Variants in APBB2 observed in about 807,000 individuals in gnomAD.
The protein encoded by APBB2 is Fe65-like 1.
A neutral mutation model predicts 82.5 loss-of-function variants in APBB2; 38 were observed. The observed-to-expected ratio is 0.46, with a 90% CI of 0.36 to 0.60. APBB2 has a LOEUF of 0.60. APBB2 is among the 20% of genes least tolerant of loss of function. APBB2 has a pLI of 0.00. For missense variants in APBB2, 772 were observed against 972.3 expected, an observed-to-expected ratio of 0.79 and a Z score of 2.74; for synonymous variants, 341 against 368.2, an observed-to-expected ratio of 0.93 and a Z score of 0.85.
chr4:40,942,742 T>A (rs1012042592), intron 7 of APBB2, among the ~76,000 whole-genome samples: 1 of 151,934 alleles, frequency 6.6e-6, no homozygotes, highest in Non-Finnish European at 1.5e-5. Context: ...AGGGGTACGA[T>A]GCAGGCACAG....
At chr4:41,095,953 C>T (rs1464069207) in intron 3 of APBB2, among the ~76,000 whole-genome samples, 1 of 152,158 alleles carries the variant, frequency 6.6e-6, no homozygotes, top group Non-Finnish European at 1.5e-5. Flanking sequence ...TCTCAGGGTC[C>T]ACTCTGTTCT....
intron 12 of APBB2, among the ~76,000 whole-genome samples, chr4:40,873,482 A>G (rs967387642): frequency 8.5e-5 from 13 of 152,244 alleles, no homozygotes; most frequent in Non-Finnish European, 1.8e-4. Context: ...CGCTGTACAG[A>G]GATGAATCAG....
At chr4:40,901,064 G>A (rs1456548974) in intron 10 of APBB2, among the ~76,000 whole-genome samples, 1 of 152,188 alleles carries the variant, frequency 6.6e-6, no homozygotes, top group Non-Finnish European at 1.5e-5. Context: ...GCACAGTGTG[G>A]CTTGGGGCCC....
At chr4:40,837,072 G>A (rs988709264) in intron 12 of APBB2, among the ~76,000 whole-genome samples, 4 of 152,188 alleles carry the variant, frequency 2.6e-5, no homozygotes, top group African/African-American at 9.7e-5. Context: ...TATTCTGAGG[G>A]GGAGAAGAAA....
chr4:40,818,188 T>G (rs182191228), intron 17 of APBB2, among the ~76,000 whole-genome samples: 1 of 152,300 alleles, frequency 6.6e-6, no homozygotes, highest in Non-Finnish European at 1.5e-5. Context: ...AGGAGAATCA[T>G]GCGGATTTGA....
In APBB2 at chr4:41,106,563, A is replaced by G. The variant is rs373256145; in HGVS notation, c.-260-5813T>C. On this transcript the variant is annotated intron_variant, in intron 2 of 17. Coordinates refer to ENST00000508593, the MANE Select transcript of APBB2 (RefSeq NM_004307.2). ...GCTACCTCAGCTCACTGCAAGCTCC[A>G]CCTCCCAGGTTCACGGCATTCTCCT... is the stretch of plus-strand genomic sequence containing the variant. Among the ~76,000 whole-genome samples the G allele has an allele frequency of 4.0e-4, 61 of 151,842 alleles. No individual in the cohort carries two copies. The East Asian group carries it at 0.011, about 27-fold the overall frequency.
intron 5 of APBB2, among the ~76,000 whole-genome samples, chr4:41,022,791 A>G (rs1320124253): frequency 6.6e-6 from 1 of 152,228 alleles, no homozygotes; most frequent in Non-Finnish European, 1.5e-5. Flanking sequence ...ATGTTGACAT[A>G]AAATGTCTAG....
chr4:41,042,793 A>G (rs1432072626), intron 4 of APBB2, among the ~76,000 whole-genome samples: 1 of 152,214 alleles, frequency 6.6e-6, no homozygotes, highest in African/African-American at 2.4e-5. Flanking sequence ...TGAGCTCAGC[A>G]GAGACTATGA....
intron 6 of APBB2, among the ~76,000 whole-genome samples, chr4:40,955,844 C>T (rs960377646): frequency 6.6e-5 from 10 of 151,976 alleles, no homozygotes; most frequent in Non-Finnish European, 8.8e-5. Flanking sequence ...GGCATGATCT[C>T]GGCTCAATGC....
At chr4:41,078,665 T>C (rs1736486611) in intron 3 of APBB2, among the ~76,000 whole-genome samples, 1 of 152,228 alleles carries the variant, frequency 6.6e-6, no homozygotes, top group Non-Finnish European at 1.5e-5. Context: ...AAGGAACAAC[T>C]GGCCGTCTTA....
intron 4 of APBB2, among the ~76,000 whole-genome samples, chr4:41,063,803 C>T (rs935552626): frequency 4.6e-5 from 7 of 152,152 alleles, no homozygotes; most frequent in Middle Eastern, 3.4e-3. Flanking sequence ...CTCAGCCTCC[C>T]GAGTAGCTGG....
intron 12 of APBB2, among the ~76,000 whole-genome samples, chr4:40,854,810 GAAGA>G (rs1760648452): frequency 9.0e-5 from 12 of 134,066 alleles, no homozygotes; most frequent in African/African-American, 2.8e-4. Context: ...AAAAAAAAAA[GAAGA>G]AAGAAAAAGA....
chr4:41,176,447 A>G (rs1462041793), intron 1 of APBB2, among the ~76,000 whole-genome samples: 2 of 152,110 alleles, frequency 1.3e-5, no homozygotes, highest in Non-Finnish European at 2.9e-5. Flanking sequence ...GACAGAAAGC[A>G]TACTTCCAGC....
intron 7 of APBB2, among the ~76,000 whole-genome samples, chr4:40,940,001 G>A (rs1401512851): frequency 1.3e-5 from 2 of 152,192 alleles, no homozygotes; most frequent in African/African-American, 4.8e-5. Flanking sequence ...CATTGCAACA[G>A]ATCAACTAAC....
At chr4:40,914,117 T>C (rs1193998279) in intron 10 of APBB2, among the ~76,000 whole-genome samples, 1 of 152,024 alleles carries the variant, frequency 6.6e-6, no homozygotes, top group Non-Finnish European at 1.5e-5. Context: ...ACACCTGTAA[T>C]CCCAGCACTT....
chr4:40,911,377 A>G (rs1462930579), intron 10 of APBB2, among the ~76,000 whole-genome samples: 1 of 152,180 alleles, frequency 6.6e-6, no homozygotes, highest in South Asian at 2.1e-4. Context: ...TCATGTGTAT[A>G]AAGTGCTCAC....
chr4:40,885,774 T>C (rs542826758), intron 12 of APBB2, among the ~76,000 whole-genome samples: 1 of 152,262 alleles, frequency 6.6e-6, no homozygotes, highest in Non-Finnish European at 1.5e-5. Flanking sequence ...CAATATTTCC[T>C]GAAGTGTGTT....
At position 41,013,636 on chromosome 4, in the gene APBB2, C is replaced by T; in HGVS notation, c.782G>A (p.Ser261Asn). ...ACTGTCTTGGGACAACGTTGTCCAG[C>T]TGGACTCCTCATCGCTCGGTGCCAG... ...QNLAPSDEES[S>N]WTTLSQDSAS... Residue 261 changes from serine (S) to asparagine (N), a missense_variant, in exon 6 of 18, where the codon AGC becomes AAC. Coordinates refer to ENST00000508593, the MANE Select transcript of APBB2 (RefSeq NM_004307.2). 1 of 1,614,220 alleles carries T rather than the reference C, an allele frequency of 6.2e-7. No individual in the cohort carries two copies. The highest frequency in any genetic ancestry group is 8.5e-7 in the Non-Finnish European group (1 of 1,180,032).
intron 6 of APBB2, among the ~76,000 whole-genome samples, chr4:40,966,726 C>G (rs569933247): frequency 2.0e-5 from 3 of 152,322 alleles, no homozygotes; most frequent in South Asian, 2.1e-4. Flanking sequence ...AAACTTTGGG[C>G]ACCAACAAGC....
Sources: gnomAD v4.1 joint callset for allele counts (sites outside exome capture counted in the v4.1 genomes callset) on GRCh38, gnomAD v4.1.1 for gene constraint, MANE v1.5 for transcripts, NCBI Gene and HGNC (gene_info 2026-07-23, HGNC 2026-07-21) for gene names.